The following MGST3 variants were observed in gnomAD, a reference collection of about 807,000 sequenced individuals.
MGST3 encodes the protein microsomal glutathione S-transferase 3.
A neutral mutation model predicts 15.8 loss-of-function variants in MGST3; 13 were observed. The ratio of observed to expected loss-of-function variants is 0.82; its 90% confidence interval spans 0.54 to 1.31. The LOEUF is 1.31. Among genes scored for constraint, MGST3 ranks in the 50% most tolerant of loss-of-function variants. The pLI, the probability that MGST3 is intolerant of heterozygous loss-of-function variation, is 0.00. For missense variants in MGST3, 155 were observed against 192.4 expected (o/e 0.81, Z 1.15); for synonymous variants, 49 against 68.1 (o/e 0.72, Z 1.38).
At chr1:165,633,930 G>T (rs1648029292) in intron 1 of MGST3, among the ~76,000 whole-genome samples, 1 of 151,762 alleles carries the variant, frequency 6.6e-6, no homozygotes, top group African/African-American at 2.4e-5. Context: ...ATTGGAGGAA[G>T]TTTTTTCCTT....
chr1:165,649,449 C>G (rs1648496779), intron 1 of MGST3: 1 of 194,756 alleles, frequency 5.1e-6, no homozygotes, highest in Non-Finnish European at 1.1e-5. Flanking sequence ...CCTCCCTCCC[C>G]CTCCCTATGT....
At chr1:165,631,768 C>T (rs1019554865) in intron 1 of MGST3, among the ~76,000 whole-genome samples, 2 of 152,216 alleles carry the variant, frequency 1.3e-5, no homozygotes, top group Admixed American at 1.3e-4. Context: ...GAGCAATGCA[C>T]CCGCTGCGGT....
chr1:165,639,192 C>T (rs1648200658), intron 1 of MGST3, among the ~76,000 whole-genome samples: 1 of 152,182 alleles, frequency 6.6e-6, no homozygotes, highest in Non-Finnish European at 1.5e-5. Flanking sequence ...ATTCAATTGC[C>T]TTCAATTGAA....
In MGST3 at chr1:165,651,995, C is replaced by T; in HGVS notation, c.209C>T (p.Pro70Leu). Residue 70 changes from proline to leucine, a missense_variant, in exon 4 of 6, where the codon CCC (proline) becomes CTC (leucine). By Grantham distance (98) the Pro-to-Leu change is moderately conservative. Transcript: ENST00000367889. ...AATTCCAGGTTGGAAGTGTATCCTC[C>T]CTTCTTATTTTTTCTAGCTGTTGGA... is the stretch of plus-strand genomic sequence containing the variant. ...AHQNTLEVYP[P>L]FLFFLAVGGV... is the part of the protein sequence containing the mutation. 6.2e-7 allele frequency: 1 copy of T among 1,613,490 alleles called. No homozygotes were observed. Among genetic ancestry groups the T allele is most frequent in the Non-Finnish European group, 8.5e-7 (1 of 1,179,688 alleles).
At chr1:165,641,970 C>G (rs1450958078) in intron 1 of MGST3, among the ~76,000 whole-genome samples, 3 of 152,204 alleles carry the variant, frequency 2.0e-5, no homozygotes, top group Non-Finnish European at 4.4e-5. Flanking sequence ...AGACTGCCAA[C>G]AAACAGTTAA....
At chr1:165,651,549 C>G (rs747499797) in intron 3 of MGST3, 1 of 304,340 alleles carries the variant, frequency 3.3e-6, no homozygotes, top group Non-Finnish European at 6.3e-6. Context: ...CAGGTCTTCT[C>G]CCTGCGGTGA....
chr1:165,645,119 T>C (rs9333452), intron 1 of MGST3, among the ~76,000 whole-genome samples: 5,498 of 152,178 alleles, frequency 0.036, 344 homozygotes, highest in African/African-American at 0.13. Context: ...TTTTAAATAC[T>C]TTTTTTATTT....
chr1:165,639,557 C>T (rs1648207954), intron 1 of MGST3, among the ~76,000 whole-genome samples: 1 of 152,188 alleles, frequency 6.6e-6, no homozygotes, highest in South Asian at 2.1e-4. Context: ...AATCCCAGCA[C>T]TTTGGGAGGC....
chr1:165,633,518 A>G (rs1648014435), intron 1 of MGST3, among the ~76,000 whole-genome samples: 1 of 151,964 alleles, frequency 6.6e-6, no homozygotes, highest in Non-Finnish European at 1.5e-5. Context: ...TAAGTAAGTG[A>G]TATTTTATTT....
intron 1 of MGST3, among the ~76,000 whole-genome samples, chr1:165,644,021 A>G (rs1300160953): frequency 6.6e-6 from 1 of 151,170 alleles, no homozygotes; most frequent in African/African-American, 2.4e-5. Context: ...TAGCACCACC[A>G]TACTCCAGCC....
chr1:165,632,374 A>G, intron 1 of MGST3: 2 of 1,319,170 alleles, frequency 1.5e-6, no homozygotes, highest in Non-Finnish European at 2.2e-6. Flanking sequence ...AAATCTGTAG[A>G]TCACCTGGAG....
chr1:165,653,789 GC>G (rs1648626295), intron 4 of MGST3: 1 of 191,900 alleles, frequency 5.2e-6, no homozygotes, highest in Non-Finnish European at 1.1e-5. Context: ...CCCCAGTGTA[GC>G]CTGCAGAACC....
At position 165,655,451 on chromosome 1, in the gene MGST3, C is replaced by T. The variant is rs943693436; in HGVS notation, c.406C>T (p.His136Tyr). The T allele has an allele frequency of 6.2e-7, 1 of 1,614,104 alleles. No individual in the cohort carries two copies. Residue 136 changes from histidine to tyrosine, a missense_variant, in exon 6 of 6, where the codon CAT becomes TAT. By Grantham distance (83) the His-to-Tyr change is moderately conservative (BLOSUM62 2). Coordinates refer to ENST00000367889, the MANE Select transcript of MGST3 (RefSeq NM_004528.4). ...CACAACTGTGTGCTCTGCTTTCCAGCATCTTGGTTGGGTTAAAAGTGGCTT... is the reference window on the plus strand; with the variant it reads ...CACAACTGTGTGCTCTGCTTTCCAGTATCTTGGTTGGGTTAAAAGTGGCTT... ...VGTTVCSAFQ[H>Y]LGWVKSGLGS...
intron 1 of MGST3, among the ~76,000 whole-genome samples, chr1:165,631,574 C>T (rs904510858): frequency 2.0e-5 from 3 of 152,204 alleles, no homozygotes; most frequent in Non-Finnish European, 4.4e-5. Context: ...TCAACCCTTC[C>T]TCCATTCCTT....
chr1:165,639,409 A>T (rs2101716339), intron 1 of MGST3, among the ~76,000 whole-genome samples: 1 of 152,270 alleles, frequency 6.6e-6, no homozygotes, highest in South Asian at 2.1e-4. Flanking sequence ...CCATTTCCTC[A>T]TCCATAGAAT....
At chr1:165,632,221 C>T (rs1346345037) in intron 1 of MGST3, 17 of 1,611,948 alleles carry the variant, frequency 1.1e-5, no homozygotes, top group Non-Finnish European at 1.4e-5. Flanking sequence ...AACTTTAATT[C>T]CTTCCCTGGG....
intron 3 of MGST3, chr1:165,651,364 C>T (rs758443782): frequency 1.0e-5 from 5 of 498,658 alleles, no homozygotes; most frequent in Admixed American, 3.2e-5. Flanking sequence ...CCATCTAAAC[C>T]GATGTTGACT....
At chr1:165,634,801 C>A (rs1044110559) in intron 1 of MGST3, among the ~76,000 whole-genome samples, 1 of 128,960 alleles carries the variant, frequency 7.8e-6, no homozygotes, top group Non-Finnish European at 1.7e-5. Context: ...CCCTCCCCCC[C>A]ACTCTCAACT....
chr1:165,650,006 G>A (rs773253850), intron 2 of MGST3, 42 bp downstream of exon 2: 2 of 1,612,510 alleles, frequency 1.2e-6, no homozygotes, highest in East Asian at 2.2e-5. Context: ...GGCTTGTCTG[G>A]GGGCCACAGG....
Sources: allele counts gnomAD v4.1 joint callset (sites outside exome capture counted in the v4.1 genomes callset), GRCh38; gene constraint gnomAD v4.1.1; transcripts MANE v1.5; gene names NCBI Gene and HGNC (gene_info 2026-07-23, HGNC 2026-07-21).